Variants in DPP6 observed in about 807,000 individuals in gnomAD.
The protein encoded by DPP6 is dipeptidyl peptidase like 6, also known as A-type potassium channel modulatory protein DPP6.
DPP6 carries 69 observed loss-of-function variants against 122.6 expected under a neutral mutation model. The ratio of observed to expected loss-of-function variants is 0.56; its 90% CI spans 0.46 to 0.69. The LOEUF (loss-of-function observed/expected upper bound fraction) is 0.69. Ranked by LOEUF, DPP6 falls within the 30% of genes least tolerant of loss-of-function variation. The pLI, the probability that DPP6 is intolerant of heterozygous loss-of-function variation, is 0.00. For missense variants in DPP6, 928 were observed against 1,116.9 expected, an observed-to-expected ratio of 0.83 and a Z score of 2.41; for synonymous variants, 418 against 433.1, an observed-to-expected ratio of 0.97 and a Z score of 0.43.
chr7:154,376,514 T>C (rs1813143473), intron 1 of DPP6, among the ~76,000 whole-genome samples: 1 of 152,196 alleles, frequency 6.6e-6, no homozygotes, highest in African/African-American at 2.4e-5. Flanking sequence ...TCTTATGAGA[T>C]TTGAAATCTA....
At chr7:154,302,979 T>TTTG (rs1563440084) in intron 1 of DPP6, among the ~76,000 whole-genome samples, 22 of 151,384 alleles carry the variant, frequency 1.5e-4, no homozygotes, top group African/African-American at 5.1e-4. Flanking sequence ...GTTTTAGTTT[T>TTTG]TTTGTTTGTT....
chr7:154,792,450 T>G (rs1797741882), intron 10 of DPP6, among the ~76,000 whole-genome samples: 1 of 152,242 alleles, frequency 6.6e-6, no homozygotes, highest in Non-Finnish European at 1.5e-5. Context: ...AGGACAAAAG[T>G]GACATATATT....
At chr7:154,883,481 T>C (rs1379670708) in intron 21 of DPP6, 1 of 127,728 alleles carries the variant, frequency 7.8e-6, no homozygotes, top group Non-Finnish European at 1.6e-5. Flanking sequence ...CACATACACA[T>C]GCTCTCACAC....
At chr7:153,942,943 G>T (rs888981981) in intron 1 of DPP6, among the ~76,000 whole-genome samples, 3 of 152,142 alleles carry the variant, frequency 2.0e-5, no homozygotes, top group African/African-American at 7.2e-5. Flanking sequence ...TCTCAGCAAG[G>T]ACTTCTCTCT....
chr7:154,664,162 G>C (rs4960583), intron 6 of DPP6, among the ~76,000 whole-genome samples: 1 of 148,400 alleles, frequency 6.7e-6, no homozygotes, highest in Non-Finnish European at 1.5e-5. Context: ...TATAGTCATG[G>C]TGAATCACTA....
intron 1 of DPP6, among the ~76,000 whole-genome samples, chr7:154,303,185 A>T (rs1480100241): frequency 2.0e-5 from 3 of 152,202 alleles, no homozygotes; most frequent in Non-Finnish European, 4.4e-5. Flanking sequence ...CCAGAAGGAC[A>T]GGGTGATCTG....
chr7:153,935,512 G>T (rs899239137), intron 1 of DPP6, among the ~76,000 whole-genome samples: 2 of 152,150 alleles, frequency 1.3e-5, no homozygotes, highest in East Asian at 1.9e-4. Context: ...CCTGCCGTCC[G>T]AGGCCCCGTT....
chr7:154,015,747 G>A (rs36016178), intron 1 of DPP6, among the ~76,000 whole-genome samples: 16,220 of 152,012 alleles, frequency 0.11, 975 homozygotes, highest in East Asian at 0.19. Flanking sequence ...GGCTGCACCA[G>A]TCCAGCCCCA....
At chr7:154,101,783 C>G (rs1381211121) in intron 1 of DPP6, among the ~76,000 whole-genome samples, 1 of 151,510 alleles carries the variant, frequency 6.6e-6, no homozygotes, top group African/African-American at 2.4e-5. Flanking sequence ...CAAAAATTAG[C>G]TGGGCACTGT....
chr7:154,439,864 C>T (rs1819210860), intron 1 of DPP6, among the ~76,000 whole-genome samples: 1 of 152,092 alleles, frequency 6.6e-6, no homozygotes, highest in African/African-American at 2.4e-5. Flanking sequence ...TCAGAAGTTC[C>T]CAAATGTATT....
intron 1 of DPP6, among the ~76,000 whole-genome samples, chr7:153,916,547 T>G (rs111370489): frequency 0.1 from 15,685 of 151,732 alleles, 1,003 homozygotes; most frequent in Middle Eastern, 0.2. Flanking sequence ...TAGGTAGGAT[T>G]ACAGGTGCCC....
intron 1 of DPP6, among the ~76,000 whole-genome samples, chr7:154,205,678 G>A (rs1245360298): frequency 6.6e-6 from 1 of 152,026 alleles, no homozygotes; most frequent in Non-Finnish European, 1.5e-5. Flanking sequence ...CAGAGATCCG[G>A]CCTCCAGGCC....
At chr7:154,796,681 T>C (rs1297601378) in intron 12 of DPP6, among the ~76,000 whole-genome samples, 1 of 152,184 alleles carries the variant, frequency 6.6e-6, no homozygotes, top group Non-Finnish European at 1.5e-5. Context: ...GAGACACAGG[T>C]ATGCTTCTTC....
intron 8 of DPP6, among the ~76,000 whole-genome samples, chr7:154,744,062 T>C (rs1416527091): frequency 6.6e-6 from 1 of 152,104 alleles, no homozygotes; most frequent in Non-Finnish European, 1.5e-5. Flanking sequence ...AGAGGTGGAT[T>C]TGCAGCCAGT....
At chr7:154,202,026 G>A (rs1275292934) in intron 1 of DPP6, among the ~76,000 whole-genome samples, 1 of 152,314 alleles carries the variant, frequency 6.6e-6, no homozygotes, top group African/African-American at 2.4e-5. Flanking sequence ...ACCCACTACA[G>A]TTAGTAGTAC....
rs1266390044 is a variant in DPP6 at position 154,481,079 on chromosome 7, G to T, written c.457+6042G>T. Among the ~76,000 whole-genome samples the T allele has an allele frequency of 2.6e-5, 4 of 152,068 alleles. No homozygotes were observed. The highest frequency in any genetic ancestry group is 9.7e-5 in the African/African-American group (4 of 41,422). ...AGGGCTGGACTCAAGCCCAGCAGCA[G>T]CAGGAAGGACCGAGGCTCTACTCCG... On this transcript the variant is annotated intron_variant, in intron 3 of 25. Coordinates refer to ENST00000377770, the MANE Select transcript of DPP6 (RefSeq NM_130797.4). This position sits in a 1 kb window ranked among gnomAD's most constrained non-coding sequence, Gnocchi z 4.2.
chr7:154,398,004 AT>A, intron 1 of DPP6, among the ~76,000 whole-genome samples: 1 of 152,270 alleles, frequency 6.6e-6, no homozygotes, highest in Non-Finnish European at 1.5e-5. Flanking sequence ...ACATTTCTAG[AT>A]TTTTACCCAA....
At chr7:154,075,483 A>G (rs1357291739) in intron 1 of DPP6, among the ~76,000 whole-genome samples, 1 of 152,212 alleles carries the variant, frequency 6.6e-6, no homozygotes, top group African/African-American at 2.4e-5. Flanking sequence ...GCCATAAGAA[A>G]TGAATGAAAT....
At chr7:154,386,065 T>C (rs901171597) in intron 1 of DPP6, among the ~76,000 whole-genome samples, 1 of 152,192 alleles carries the variant, frequency 6.6e-6, no homozygotes, top group Non-Finnish European at 1.5e-5. Flanking sequence ...ATGCTGCTAG[T>C]GCCAAGATTC....
Sources: allele counts gnomAD v4.1 joint callset (sites outside exome capture counted in the v4.1 genomes callset), GRCh38; gene constraint gnomAD v4.1.1; non-coding constraint Gnocchi (gnomAD v3.1); transcripts MANE v1.5; gene names NCBI Gene and HGNC (gene_info 2026-07-23, HGNC 2026-07-21).